NCOA1: variants seen among roughly 807,000 people sequenced by gnomAD.
NCOA1 encodes Hin-2 protein.
In NCOA1, 35 loss-of-function variants were observed where a neutral mutation model predicts 150.9. That is an observed-to-expected ratio of 0.23 (90% CI 0.18 to 0.31). NCOA1 has a LOEUF of 0.31. Ranked by LOEUF, NCOA1 falls within the 10% of genes least tolerant of loss-of-function variation. The probability of loss-of-function intolerance (pLI) is 1.00; values close to 1 mark genes in which losing one functional copy is unlikely to be tolerated. For missense variants in NCOA1, 1,491 were observed against 1,749.3 expected, an observed-to-expected ratio of 0.85 and a Z score of 2.63; for synonymous variants, 590 against 630.0, an observed-to-expected ratio of 0.94 and a Z score of 0.95.
rs185581070 is a variant in NCOA1, at chr2:24,624,967, G to A, written c.-174-18999G>A. Among the ~76,000 whole-genome samples the A allele has an allele frequency of 5.1e-3, 771 of 152,314 alleles. 10 individuals carry two copies. The highest frequency in any genetic ancestry group is 0.024 in the Admixed American group (366 of 15,302). The stretch of plus-strand genomic sequence containing the variant: ...ACGGGAGCTACTGGACTCAGCTGGT[G>A]TAGTGTGAAAGCAGCCATAGACAGT... On this transcript the variant is annotated intron_variant, in intron 3 of 22. Coordinates refer to ENST00000348332, the MANE Select transcript of NCOA1 (RefSeq NM_003743.5).
rs565849729 is a variant in NCOA1, at chr2:24,689,221, A to G, written c.533-2260A>G. On this transcript the variant is annotated intron_variant, in intron 8 of 22. Coordinates refer to ENST00000348332, the MANE Select transcript of NCOA1 (RefSeq NM_003743.5). ...TATTTGGGCTCTTTTTTGGTTCCAT[A>G]TGAATTTTGAAATAATTTCTTCCAG... Among the ~76,000 whole-genome samples, 550 of 152,202 alleles carry G rather than the reference A, an allele frequency of 3.6e-3. 5 individuals carry two copies. The highest frequency in any genetic ancestry group is 0.026 in the South Asian group (124 of 4,812).
chr2:24,562,027 T>C (rs909998411), intron 1 of NCOA1, among the ~76,000 whole-genome samples: 5 of 152,118 alleles, frequency 3.3e-5, no homozygotes, highest in African/African-American at 1.2e-4. Context: ...AAATGAAATA[T>C]TGAGAAGATT....
chr2:24,665,758 G>A lies in NCOA1; in HGVS notation c.99G>A (p.Lys33=), dbSNP rs748936068. The A allele has an allele frequency of 1.9e-6, 3 of 1,566,258 alleles. No homozygotes were observed. Among genetic ancestry groups the A allele is most frequent in the Non-Finnish European group, 2.6e-6 (3 of 1,154,168 alleles). The change falls in exon 6 of 23, where the codon AAG becomes AAA. Residue 33 remains lysine, a synonymous_variant. Coordinates refer to ENST00000348332, the MANE Select transcript of NCOA1 (RefSeq NM_003743.5). The part of the protein sequence containing the change: ...PCDTLASSTE[K]RRREQENKYL... ...TTTCTTTGTGTAACAGCACGGAAAA[G>A]AGGCGCAGGGAGCAAGAAAATAAAT...
chr2:24,621,635 T>A (rs1185298600), intron 3 of NCOA1, among the ~76,000 whole-genome samples: 2 of 151,632 alleles, frequency 1.3e-5, no homozygotes, highest in African/African-American at 4.8e-5. Flanking sequence ...CCTGCCACCA[T>A]GCCCGGCTAA....
intron 1 of NCOA1, among the ~76,000 whole-genome samples, chr2:24,509,581 A>G (rs1663845294): frequency 6.6e-6 from 1 of 152,196 alleles, no homozygotes; most frequent in Non-Finnish European, 1.5e-5. Context: ...CATTTCTATT[A>G]CTATTGCTGT....
intron 14 of NCOA1, among the ~76,000 whole-genome samples, chr2:24,718,716 C>G (rs1471632815): frequency 6.2e-5 from 9 of 144,890 alleles, no homozygotes; most frequent in African/African-American, 1.3e-4. Context: ...CCCATCTCTA[C>G]TAAAACTACA....
intron 1 of NCOA1, among the ~76,000 whole-genome samples, chr2:24,523,125 T>G (rs1024365405): frequency 9.9e-5 from 15 of 152,216 alleles, no homozygotes; most frequent in African/African-American, 3.6e-4. Flanking sequence ...GGGTTATCCA[T>G]GCATTTCAGA....
At chr2:24,746,597 T>A (rs1324060234) in intron 19 of NCOA1, among the ~76,000 whole-genome samples, 1 of 152,188 alleles carries the variant, frequency 6.6e-6, no homozygotes, top group Non-Finnish European at 1.5e-5. Flanking sequence ...ATTTTTCATC[T>A]AGAAGAACTA....
Position 24,491,508 on chromosome 2 carries a change from G to GGGCGCCA in NCOA1, c.-487_-486insGCCAGGC, listed in dbSNP as rs1662954378. Among the ~76,000 whole-genome samples, 1 of 146,970 alleles carries GGGCGCCA rather than the reference G, an allele frequency of 6.8e-6. No individual in the cohort carries two copies. Among genetic ancestry groups the GGGCGCCA allele is most frequent in the Non-Finnish European group, 1.5e-5 (1 of 66,094 alleles). ...GAGGGGGCCGGAGAGCCGCGGCGCC[G>GGGCGCCA]GGCCCGAGGAGCGGCGGAGGCCGGG... On this transcript the variant is annotated 5_prime_UTR_variant, in exon 1 of 23. Coordinates refer to ENST00000348332, the MANE Select transcript of NCOA1 (RefSeq NM_003743.5).
intron 1 of NCOA1, among the ~76,000 whole-genome samples, chr2:24,552,248 A>T (rs1282951243): frequency 7.1e-6 from 1 of 140,446 alleles, no homozygotes; most frequent in Non-Finnish European, 1.5e-5. Flanking sequence ...AACAATATTG[A>T]TTGATCTGAT....
chr2:24,636,149 CCATT>C (rs1285927170), intron 3 of NCOA1, among the ~76,000 whole-genome samples: 2 of 152,048 alleles, frequency 1.3e-5, no homozygotes, highest in South Asian at 2.1e-4. Flanking sequence ...ATAAAGTAAA[CCATT>C]CATTTTCTTT....
intron 1 of NCOA1, among the ~76,000 whole-genome samples, chr2:24,523,423 G>A (rs1296719026): frequency 1.3e-5 from 2 of 150,998 alleles, no homozygotes; most frequent in East Asian, 1.9e-4. Context: ...TGGCTAACAC[G>A]GTGAAACCCC....
chr2:24,493,616 T>G (rs1301588636), intron 1 of NCOA1, among the ~76,000 whole-genome samples: 1 of 151,442 alleles, frequency 6.6e-6, no homozygotes, highest in Non-Finnish European at 1.5e-5. Context: ...AAAAAAAAAG[T>G]GCTTGATGGA....
intron 14 of NCOA1, among the ~76,000 whole-genome samples, chr2:24,717,818 C>G (rs1674124857): frequency 6.6e-6 from 1 of 151,712 alleles, no homozygotes. Flanking sequence ...ACTGTCCAAT[C>G]TAAACACTGG....
At chr2:24,706,316 C>T (rs529139007) in intron 12 of NCOA1, among the ~76,000 whole-genome samples, 2 of 152,104 alleles carry the variant, frequency 1.3e-5, no homozygotes, top group South Asian at 4.1e-4. Context: ...TTATATTTTA[C>T]ATATAACTGA....
At position 24,706,668 on chromosome 2, in the gene NCOA1, G is replaced by A; in HGVS notation, c.1198G>A (p.Val400Met). 6.2e-7 allele frequency: 1 copy of A among 1,614,134 alleles called. No homozygotes were observed. Among genetic ancestry groups the A allele is most frequent in the South Asian group, 1.1e-5 (1 of 91,082 alleles). Residue 400 changes from valine to methionine, a missense_variant, in exon 13 of 23, where the codon GTG becomes ATG. Physicochemically the swap from Val to Met is conservative, Grantham distance 21. Around this residue, in one of 8 missense-constraint regions of NCOA1, gnomAD observed 703 missense variants for 717.7 expected, o/e 0.98. Coordinates refer to ENST00000348332, the MANE Select transcript of NCOA1 (RefSeq NM_003743.5). ...VNPSISPAHG[V>M]ARSSTLPPSN... ...TCCTAGTATCTCTCCAGCTCATGGT[G>A]TGGCTCGTTCATCCACATTGCCACC... is the stretch of plus-strand genomic sequence containing the variant.
At chr2:24,638,567 C>T (rs1169088899) in intron 3 of NCOA1, among the ~76,000 whole-genome samples, 1 of 152,144 alleles carries the variant, frequency 6.6e-6, no homozygotes, top group Non-Finnish European at 1.5e-5. Flanking sequence ...AACCTCCATA[C>T]TGTTCTCCAT....
intron 1 of NCOA1, among the ~76,000 whole-genome samples, chr2:24,507,018 C>T (rs138291860): frequency 1.3e-5 from 2 of 152,318 alleles, no homozygotes; most frequent in Non-Finnish European, 2.9e-5. Context: ...GGTATTATCT[C>T]CTTTATCTCA....
intron 22 of NCOA1, among the ~76,000 whole-genome samples, chr2:24,763,184 T>C (rs1572697127): frequency 2.0e-5 from 3 of 152,138 alleles, no homozygotes; most frequent in Non-Finnish European, 4.4e-5. Flanking sequence ...CTTCACCTCC[T>C]AAGAAGTATG....
Sources: allele counts gnomAD v4.1 joint callset (sites outside exome capture counted in the v4.1 genomes callset), GRCh38; gene constraint gnomAD v4.1.1; regional missense constraint gnomAD v4.1.1; transcripts MANE v1.5; gene names NCBI Gene and HGNC (gene_info 2026-07-23, HGNC 2026-07-21).